The following NUDT2 variants were observed in gnomAD, a reference collection of about 807,000 sequenced individuals.
NUDT2 encodes the protein nudix hydrolase 2, also known as bis(5'-nucleosyl)-tetraphosphatase [asymmetrical].
In NUDT2, 12 loss-of-function variants were observed where a neutral mutation model predicts 14.2. That is an observed-to-expected ratio of 0.84 (90% CI 0.54 to 1.37). The LOEUF is 1.37. NUDT2 is among the 40% of genes most tolerant of loss of function. The probability of loss-of-function intolerance (pLI) is 0.00; values close to 1 mark genes in which losing one functional copy is unlikely to be tolerated. For missense variants in NUDT2, 167 were observed against 176.7 expected, an observed-to-expected ratio of 0.95 and a Z score of 0.31; for synonymous variants, 67 against 67.4, an observed-to-expected ratio of 0.99 and a Z score of 0.03.
chr9:34,330,878 A>G (rs1327428298), intron 1 of NUDT2, among the ~76,000 whole-genome samples: 4 of 152,038 alleles, frequency 2.6e-5, no homozygotes, highest in African/African-American at 9.7e-5. Flanking sequence ...GGAGAATGGC[A>G]CGAACCCGGG....
intron 2 of NUDT2, among the ~76,000 whole-genome samples, chr9:34,338,078 G>A (rs752981643): frequency 1.3e-4 from 18 of 141,790 alleles, no homozygotes; most frequent in South Asian, 4.5e-4. Context: ...TCTTGACCTC[G>A]TGATCCACCC....
At chr9:34,342,119 G>A (rs953112868) in intron 4 of NUDT2, among the ~76,000 whole-genome samples, 1 of 152,218 alleles carries the variant, frequency 6.6e-6, no homozygotes, top group African/African-American at 2.4e-5. Flanking sequence ...TGTCTTCTTG[G>A]GTTTGGGTGT....
chr9:34,330,533 G>C (rs2131849299), intron 1 of NUDT2, among the ~76,000 whole-genome samples: 1 of 152,294 alleles, frequency 6.6e-6, no homozygotes, highest in South Asian at 2.1e-4. Context: ...CACTTACCCA[G>C]ACATCTCTGA....
intron 1 of NUDT2, among the ~76,000 whole-genome samples, chr9:34,332,275 G>A (rs561241630): frequency 6.6e-6 from 1 of 152,274 alleles, no homozygotes; most frequent in South Asian, 2.1e-4. Context: ...CCTTGCATCC[G>A]CCTCCCTTCT....
intron 2 of NUDT2, among the ~76,000 whole-genome samples, 191 bp from the exon 3 acceptor site, chr9:34,338,522 A>C (rs1838155438): frequency 6.8e-6 from 1 of 147,858 alleles, no homozygotes; most frequent in African/African-American, 2.5e-5. Flanking sequence ...AAAAAAAAAA[A>C]CTCAACGAAA....
At chr9:34,341,599 T>C (rs1231082936) in intron 4 of NUDT2, among the ~76,000 whole-genome samples, 1 of 152,206 alleles carries the variant, frequency 6.6e-6, no homozygotes, top group Non-Finnish European at 1.5e-5. Context: ...AACCTCCGCC[T>C]CCTGGGCTCA....
At chr9:34,337,937 G>A (rs1200164767) in intron 2 of NUDT2, among the ~76,000 whole-genome samples, 3 of 151,690 alleles carry the variant, frequency 2.0e-5, no homozygotes, top group African/African-American at 7.3e-5. Context: ...TCCGCCTCCC[G>A]GGTTCAAGCA....
chr9:34,331,627 A>G (rs776458977), intron 1 of NUDT2, among the ~76,000 whole-genome samples: 6 of 152,340 alleles, frequency 3.9e-5, no homozygotes, highest in East Asian at 1.9e-4. Context: ...ATCTTGCTCT[A>G]ATAGAAAATT....
At chr9:34,330,812 T>G (rs1170366798) in intron 1 of NUDT2, among the ~76,000 whole-genome samples, 2 of 151,460 alleles carry the variant, frequency 1.3e-5, no homozygotes, top group African/African-American at 4.9e-5. Flanking sequence ...ACACAAAAAA[T>G]TAGCCGGGCG....
intron 2 of NUDT2, among the ~76,000 whole-genome samples, chr9:34,336,842 C>A (rs1217526960): frequency 6.6e-6 from 1 of 151,946 alleles, no homozygotes; most frequent in African/African-American, 2.4e-5. Flanking sequence ...CTGAACCCAG[C>A]CTCGACCTCA....
At chr9:34,334,455 G>T (rs555621408) in intron 1 of NUDT2, among the ~76,000 whole-genome samples, 1 of 152,242 alleles carries the variant, frequency 6.6e-6, no homozygotes, top group South Asian at 2.1e-4. Flanking sequence ...AACCCCCTGA[G>T]GTTTGAATCC....
chr9:34,332,376 C>T (rs1404423562), intron 1 of NUDT2, among the ~76,000 whole-genome samples: 1 of 152,114 alleles, frequency 6.6e-6, no homozygotes, highest in Non-Finnish European at 1.5e-5. Flanking sequence ...TTACGTTGCA[C>T]AAAACACACT....
In NUDT2 at chr9:34,339,069, C is replaced by A; in HGVS notation, c.30C>A (p.Ile10=). Residue 10 remains isoleucine (I), a synonymous_variant, in exon 4 of 5, where the codon ATC becomes ATA. Coordinates refer to ENST00000379158, the MANE Select transcript of NUDT2 (RefSeq NM_001161.5). ...CCTTGAGAGCATGTGGCTTGATCATCTTCCGAAGATGCCTCATTCCCAAAG... is the reference window on the plus strand; with the variant it reads ...CCTTGAGAGCATGTGGCTTGATCATATTCCGAAGATGCCTCATTCCCAAAG... The part of the protein sequence containing the change: MALRACGLI[I]FRRCLIPKVD... 6.2e-7 allele frequency: 1 copy of A among 1,614,056 alleles called. No homozygotes were observed. The highest frequency in any genetic ancestry group is 2.2e-5 in the East Asian group (1 of 44,880).
At chr9:34,338,971 T>C in intron 3 of NUDT2, 53 bp from the exon 4 acceptor site, 1 of 1,504,018 alleles carries the variant, frequency 6.6e-7, no homozygotes, top group Non-Finnish European at 9.1e-7. Flanking sequence ...CCCCCCAGTA[T>C]GGAGCTTCCT....
At position 34,342,932 on chromosome 9, in the gene NUDT2, G is replaced by A. The variant is rs10972068; in HGVS notation, c.128-192G>A. ...TTCTGAATACTCAGGAGGCTAAGGT[G>A]GGAGGATCACTTGAGCCCAGGAATT... On this transcript the variant is annotated intron_variant, in intron 4 of 4. Coordinates refer to ENST00000379158, the MANE Select transcript of NUDT2 (RefSeq NM_001161.5). Among the ~76,000 whole-genome samples, 18,643 of 152,004 alleles carry A rather than the reference G, an allele frequency of 0.12. 1,496 individuals carry two copies. The highest frequency in any genetic ancestry group is 0.18 in the Non-Finnish European group (12,086 of 67,960).
chr9:34,333,261 C>A (rs57932502), intron 1 of NUDT2, among the ~76,000 whole-genome samples: 2 of 152,100 alleles, frequency 1.3e-5, no homozygotes, highest in Non-Finnish European at 2.9e-5. Flanking sequence ...CCCTCTCCCC[C>A]CAACTAAAAC....
intron 4 of NUDT2, 42 bp downstream of exon 4, chr9:34,339,208 C>T: frequency 6.3e-7 from 1 of 1,598,996 alleles, no homozygotes; most frequent in Non-Finnish European, 8.6e-7. Context: ...CTGCCAACCA[C>T]TGCTCAGAAA....
At chr9:34,335,157 C>G (rs35650533) in intron 1 of NUDT2, among the ~76,000 whole-genome samples, 1 of 152,206 alleles carries the variant, frequency 6.6e-6, no homozygotes, top group African/African-American at 2.4e-5. Context: ...TCCAGATCAC[C>G]TGAGTCACTG....
At chr9:34,335,869 C>T (rs1377101526) in intron 1 of NUDT2, among the ~76,000 whole-genome samples, 3 of 152,132 alleles carry the variant, frequency 2.0e-5, no homozygotes, top group African/African-American at 7.2e-5. Flanking sequence ...CTGCTTTCCT[C>T]TCCCCAGTGG....
Sources: allele counts gnomAD v4.1 joint callset (sites outside exome capture counted in the v4.1 genomes callset), GRCh38; gene constraint gnomAD v4.1.1; transcripts MANE v1.5; gene names NCBI Gene and HGNC (gene_info 2026-07-23, HGNC 2026-07-21).